FAM184B: variants seen among roughly 807,000 people sequenced by gnomAD.
FAM184B encodes the protein family with sequence similarity 184 member B, also known as protein FAM184B.
FAM184B carries 111 observed loss-of-function variants against 135.9 expected under a neutral mutation model. The ratio of observed to expected loss-of-function variants is 0.82; its 90% confidence interval spans 0.70 to 0.96. The LOEUF is 0.96. Ranked by LOEUF, FAM184B falls within the 40% of genes least tolerant of loss-of-function variation. The pLI is 0.00. For synonymous variants in FAM184B, 552 were observed against 524.8 expected (o/e 1.05, Z -0.71); for missense variants, 1,375 against 1,323.9 (o/e 1.04, Z -0.60).
At chr4:17,740,768 C>A (rs930728459) in intron 1 of FAM184B, among the ~76,000 whole-genome samples, 1 of 152,078 alleles carries the variant, frequency 6.6e-6, no homozygotes, top group African/African-American at 2.4e-5. Context: ...ACCTCCAGGC[C>A]CCCAAGTGCT....
In FAM184B at chr4:17,688,618, G is replaced by A. The variant is rs549724650; in HGVS notation, c.1489-87C>T. ...ATTCATCCGGGAATCAATTCTCCTG[G>A]GTCAGTCTGTTCTGGGGAGAGTGCC... On this transcript the variant is annotated intron_variant, in intron 6 of 17. Transcript: ENST00000265018. 1.1e-4 allele frequency: 112 copies of A among 1,014,588 alleles called. 3 individuals are homozygous for A. In the East Asian group the frequency reaches 2.1e-3, roughly 19 times the overall value. The allele number at this position is 1,014,588 out of a possible 1,614,324, so 62.8% of individuals were successfully genotyped here. A position where few individuals can be genotyped will look rare whatever the true frequency, so the allele number is the denominator to read the frequency against.
chr4:17,716,608 A>T lies in FAM184B; in HGVS notation c.142-6964T>A, dbSNP rs1035907037. Among the ~76,000 whole-genome samples, 3 of 152,208 alleles carry T rather than the reference A, an allele frequency of 2.0e-5. No individual in the cohort carries two copies. In the South Asian group the frequency reaches 6.2e-4, roughly 32 times the overall value. On this transcript the variant is annotated intron_variant, in intron 1 of 17. Coordinates refer to ENST00000265018, the MANE Select transcript of FAM184B (RefSeq NM_015688.2). ...TCATCTGCTCGCCTCAGCCTCCAAG[A>T]GTGCTGGGATTATAGGTGTGTGTCA...
chr4:17,657,493 G>C (rs117878533), intron 10 of FAM184B, among the ~76,000 whole-genome samples: 1 of 152,190 alleles, frequency 6.6e-6, no homozygotes, highest in South Asian at 2.1e-4. Flanking sequence ...TGCTTAAGAC[G>C]GCAGGAAGGG....
chr4:17,673,963 T>A (rs1257840582), intron 7 of FAM184B, among the ~76,000 whole-genome samples: 3 of 151,702 alleles, frequency 2.0e-5, no homozygotes, highest in African/African-American at 7.3e-5. Flanking sequence ...AAATGAAAGA[T>A]TTTCCCAGAC....
intron 12 of FAM184B, among the ~76,000 whole-genome samples, chr4:17,642,648 T>C (rs941757650): frequency 6.6e-6 from 1 of 152,192 alleles, no homozygotes; most frequent in African/African-American, 2.4e-5. Flanking sequence ...TACCACCAAA[T>C]CTTGCTAACT....
chr4:17,678,963 A>C (rs1308450930), intron 7 of FAM184B, among the ~76,000 whole-genome samples: 2 of 152,196 alleles, frequency 1.3e-5, no homozygotes, highest in African/African-American at 4.8e-5. Flanking sequence ...TGCTGGGATA[A>C]TTGGCAAGCC....
intron 5 of FAM184B, among the ~76,000 whole-genome samples, chr4:17,702,632 T>G (rs934348705): frequency 3.3e-5 from 5 of 152,228 alleles, no homozygotes; most frequent in African/African-American, 1.2e-4. Flanking sequence ...CTGCATGGCC[T>G]AATTTAAATT....
intron 1 of FAM184B, among the ~76,000 whole-genome samples, chr4:17,715,026 T>A (rs577442791): frequency 2.6e-5 from 4 of 152,298 alleles, no homozygotes; most frequent in African/African-American, 9.6e-5. Context: ...ATATATCCTT[T>A]CAGGGATAGT....
intron 1 of FAM184B, among the ~76,000 whole-genome samples, chr4:17,750,839 CCT>C (rs1718273824): frequency 6.6e-6 from 1 of 152,144 alleles, no homozygotes; most frequent in Non-Finnish European, 1.5e-5. Flanking sequence ...GTTCCCCCTG[CCT>C]AGACCCAGGG....
chr4:17,760,355 T>C (rs1718517551), intron 1 of FAM184B, among the ~76,000 whole-genome samples: 1 of 151,666 alleles, frequency 6.6e-6, no homozygotes, highest in South Asian at 2.1e-4. Flanking sequence ...TCCCAGGTAC[T>C]CAGGTTGCTG....
At chr4:17,690,663 A>G (rs1342275958) in intron 6 of FAM184B, among the ~76,000 whole-genome samples, 1 of 152,220 alleles carries the variant, frequency 6.6e-6, no homozygotes, top group African/African-American at 2.4e-5. Context: ...TTATAAAACT[A>G]TGCTTAAACT....
At chr4:17,667,665 A>T (rs1716087383) in intron 7 of FAM184B, among the ~76,000 whole-genome samples, 1 of 152,154 alleles carries the variant, frequency 6.6e-6, no homozygotes, top group Non-Finnish European at 1.5e-5. Context: ...ATATGTTCTG[A>T]GTTAACTCTG....
At chr4:17,705,272 C>T (rs1717082608) in intron 4 of FAM184B, 66 bp from the exon 5 acceptor site, 1 of 1,221,372 alleles carries the variant, frequency 8.2e-7, no homozygotes, top group Non-Finnish European at 1.2e-6. Flanking sequence ...ATCACCATTT[C>T]CCTTTCATAC....
intron 13 of FAM184B, among the ~76,000 whole-genome samples, chr4:17,641,643 C>T (rs77667906): frequency 0.018 from 442 of 24,358 alleles, 6 homozygotes; most frequent in African/African-American, 0.06. Flanking sequence ...CACGCCCGGC[C>T]TTTTTTTTTT....
intron 11 of FAM184B, among the ~76,000 whole-genome samples, chr4:17,649,293 A>G (rs995335997): frequency 5.9e-5 from 9 of 152,216 alleles, no homozygotes; most frequent in African/African-American, 2.2e-4. Flanking sequence ...TGATATTAAG[A>G]TGAAAAATTG....
intron 1 of FAM184B, among the ~76,000 whole-genome samples, chr4:17,751,019 C>T (rs952211527): frequency 6.6e-6 from 1 of 152,072 alleles, no homozygotes; most frequent in Non-Finnish European, 1.5e-5. Flanking sequence ...TAAAAAGCAG[C>T]ACATAGGGCC....
At chr4:17,731,105 A>C (rs1487593569) in intron 1 of FAM184B, among the ~76,000 whole-genome samples, 1 of 152,188 alleles carries the variant, frequency 6.6e-6, no homozygotes, top group Non-Finnish European at 1.5e-5. Flanking sequence ...GAAATAAAAT[A>C]CTTTACAGAC....
chr4:17,707,516 C>T, intron 3 of FAM184B, 133 bp downstream of exon 3: 1 of 1,167,046 alleles, frequency 8.6e-7, no homozygotes, highest in Non-Finnish European at 1.2e-6. Context: ...TGGTCTCACC[C>T]ACCAGGCAGG....
chr4:17,774,351 G>A (rs1000146908), intron 1 of FAM184B, among the ~76,000 whole-genome samples: 3 of 152,062 alleles, frequency 2.0e-5, no homozygotes, highest in Admixed American at 2.0e-4. Context: ...CTGGGCAACA[G>A]AGCCAGACCC....
Sources: gnomAD v4.1 joint callset for allele counts (sites outside exome capture counted in the v4.1 genomes callset) on GRCh38, gnomAD v4.1.1 for gene constraint, MANE v1.5 for transcripts, NCBI Gene and HGNC (gene_info 2026-07-23, HGNC 2026-07-21) for gene names.